The following OS9 variants were observed in gnomAD, a reference collection of about 807,000 sequenced individuals.
The protein encoded by OS9 is protein OS-9.
OS9 carries 58 observed loss-of-function variants against 84.7 expected under a neutral mutation model. That is an observed-to-expected ratio of 0.68 (90% CI 0.55 to 0.85). The LOEUF (loss-of-function observed/expected upper bound fraction) is 0.85. Ranked by LOEUF, OS9 falls within the 40% of genes least tolerant of loss-of-function variation. OS9 has a pLI of 0.00. For missense variants in OS9, 760 were observed against 850.9 expected (o/e 0.89, Z 1.33); for synonymous variants, 278 against 320.8 (o/e 0.87, Z 1.43).
Position 57,716,153 on chromosome 12 carries a change from G to C in OS9, c.852G>C (p.Trp284Cys). 6.2e-7 allele frequency: 1 copy of C among 1,613,056 alleles called. No homozygotes were observed. Reference protein sequence around the residue: ...EELQDLGPQVWSETKSGVAPQ... With the variant: ...EELQDLGPQVCSETKSGVAPQ... ...TGCAAGATCTAGGCCCCCAAGTGTG[G>C]AGTGAGACCAAGTCTGGGGTGGCAC... Residue 284 changes from tryptophan (W) to cysteine (C), a missense_variant, in exon 7 of 15, where the codon TGG (tryptophan) becomes TGC (cysteine). Trp to Cys is a radical substitution (Grantham distance 215). Transcript: ENST00000315970.
intron 5 of OS9, among the ~76,000 whole-genome samples, chr12:57,699,513 G>C (rs1213267808): frequency 6.6e-6 from 1 of 152,168 alleles, no homozygotes; most frequent in Non-Finnish European, 1.5e-5. Flanking sequence ...CATTTGAAGG[G>C]GAAATTGGTC....
chr12:57,697,933 A>ATAAG (rs1350507109), intron 5 of OS9, among the ~76,000 whole-genome samples: 3 of 128,364 alleles, frequency 2.3e-5, no homozygotes, highest in Admixed American at 8.2e-5. Context: ...ATACACACAC[A>ATAAG]CACACACACA....
chr12:57,702,714 C>T (rs1367450865), intron 5 of OS9, among the ~76,000 whole-genome samples: 1 of 152,184 alleles, frequency 6.6e-6, no homozygotes, highest in Non-Finnish European at 1.5e-5. Context: ...TCCAGTTTCT[C>T]CACACTACCT....
At chr12:57,706,123 G>A (rs1476808786) in intron 5 of OS9, among the ~76,000 whole-genome samples, 1 of 152,150 alleles carries the variant, frequency 6.6e-6, no homozygotes, top group Admixed American at 6.5e-5. Flanking sequence ...CTGTTAGCGT[G>A]ATGTTTTCCT....
intron 12 of OS9, 145 bp from the exon 13 acceptor site, chr12:57,719,954 A>AT (rs936872125): frequency 2.8e-5 from 21 of 751,812 alleles, no homozygotes; most frequent in African/African-American, 2.6e-4. Flanking sequence ...CGGGGCACAC[A>AT]TTTTTTTGAG....
rs1239338257 is a variant in OS9, at chr12:57,710,779, C to T, written c.580-4981C>T. ...TCCCACCTGGTCATGGTGGCTCATG[C>T]CTGTAATCCCAGCACTTTGGGAGGC... is the stretch of plus-strand genomic sequence containing the variant. On this transcript the variant is annotated intron_variant, in intron 5 of 14. Coordinates refer to ENST00000315970, the MANE Select transcript of OS9 (RefSeq NM_006812.4). 3.3e-5 allele frequency among the ~76,000 whole-genome samples: 5 copies of T among 152,058 alleles called. No individual in the cohort carries two copies. In the East Asian group the frequency reaches 9.6e-4, roughly 29 times the overall value.
intron 5 of OS9, among the ~76,000 whole-genome samples, chr12:57,700,606 T>A (rs1274284328): frequency 1.3e-5 from 2 of 152,152 alleles, no homozygotes; most frequent in African/African-American, 4.8e-5. Flanking sequence ...TTGTTTAAAG[T>A]GCAGTCTCTG....
rs1030290140 is a variant in OS9 at position 57,694,342 on chromosome 12, G to T, written c.162+19G>T. The T allele has an allele frequency of 3.7e-6, 6 of 1,613,568 alleles. No homozygotes were observed. The highest frequency in any genetic ancestry group is 3.3e-5 in the Admixed American group (2 of 59,984). ...AGGGCAGGTGAGAGGCGTATAAGGG[G>T]CGAGGGTCTGGGCAGAAGAGGAAGC... On this transcript the variant is annotated intron_variant, in intron 1 of 14. Transcript: ENST00000315970.
At chr12:57,710,672 T>G (rs1369839112) in intron 5 of OS9, among the ~76,000 whole-genome samples, 2 of 152,192 alleles carry the variant, frequency 1.3e-5, no homozygotes, top group African/African-American at 4.8e-5. Flanking sequence ...TTTAAATTCC[T>G]TATCTAATTA....
chr12:57,716,302 T>A, intron 7 of OS9, 109 bp downstream of exon 7: 2 of 984,640 alleles, frequency 2.0e-6, no homozygotes, highest in Non-Finnish European at 3.1e-6. Flanking sequence ...AAAAGTACCA[T>A]GGGCCCTCCT....
At position 57,714,138 on chromosome 12, in the gene OS9, G is replaced by T. The variant is rs369414054; in HGVS notation, c.580-1622G>T. On this transcript the variant is annotated intron_variant, in intron 5 of 14. Coordinates refer to ENST00000315970, the MANE Select transcript of OS9 (RefSeq NM_006812.4). The stretch of plus-strand genomic sequence containing the variant: ...AAAAAAAGATTTAGTAGATTTTCTT[G>T]AGTAAACATTTCTTCATTTGTTATA... 2.7e-4 allele frequency among the ~76,000 whole-genome samples: 41 copies of T among 152,044 alleles called. No homozygotes were observed. In the East Asian group the frequency reaches 7.7e-3, roughly 29 times the overall value.
At chr12:57,711,462 TCAGCCTCCCGAGTAGCTGGGACTA>T (rs1214712051) in intron 5 of OS9, among the ~76,000 whole-genome samples, 1 of 146,254 alleles carries the variant, frequency 6.8e-6, no homozygotes, top group Admixed American at 7.1e-5. Context: ...TTCACCTGCC[TCAGCCTCCCGAGTAGCTGGGACTA>T]CAGGTGTGCG....
intron 5 of OS9, among the ~76,000 whole-genome samples, chr12:57,696,912 T>C (rs186029186): frequency 1.3e-5 from 2 of 152,268 alleles, no homozygotes; most frequent in African/African-American, 4.8e-5. Flanking sequence ...TTGTGGTCGG[T>C]ACCTTCACTC....
chr12:57,696,395 T>C, intron 5 of OS9, 22 bp downstream of exon 5: 1 of 1,321,034 alleles, frequency 7.6e-7, no homozygotes, highest in Middle Eastern at 2.1e-4. Context: ...GAGAGGGAAG[T>C]TGACACTCCC....
chr12:57,703,977 A>G (rs1269943706), intron 5 of OS9, among the ~76,000 whole-genome samples: 1 of 152,172 alleles, frequency 6.6e-6, no homozygotes, highest in African/African-American at 2.4e-5. Flanking sequence ...ATAACTGAAG[A>G]CATTCCCTCC....
intron 5 of OS9, among the ~76,000 whole-genome samples, chr12:57,699,908 C>T (rs1486895754): frequency 6.6e-6 from 1 of 152,098 alleles, no homozygotes; most frequent in East Asian, 1.9e-4. Flanking sequence ...ACAGCCTGGC[C>T]AATATGGTGA....
chr12:57,719,857 T>G (rs1954621035), intron 12 of OS9: 4 of 445,844 alleles, frequency 9.0e-6, no homozygotes, highest in Non-Finnish European at 1.6e-5. Flanking sequence ...TGTTTTCCTA[T>G]AGGTGACGGG....
intron 5 of OS9, among the ~76,000 whole-genome samples, chr12:57,708,271 C>T (rs946315942): frequency 9.8e-6 from 1 of 101,568 alleles, no homozygotes; most frequent in African/African-American, 3.0e-5. Context: ...TTTATATACT[C>T]TGAGATTTTT....
chr12:57,696,479 C>A (rs1186550044), intron 5 of OS9, 106 bp downstream of exon 5: 3 of 607,544 alleles, frequency 4.9e-6, no homozygotes, highest in Non-Finnish European at 8.6e-6. Context: ...GGGTCCCCTC[C>A]CAGACCCTAA....
Sources: allele counts gnomAD v4.1 joint callset (sites outside exome capture counted in the v4.1 genomes callset), GRCh38; gene constraint gnomAD v4.1.1; transcripts MANE v1.5; gene names NCBI Gene and HGNC (gene_info 2026-07-23, HGNC 2026-07-21).